GPR158: variants seen among roughly 807,000 people sequenced by gnomAD.
The protein encoded by GPR158 is G protein-coupled receptor 158.
Under a neutral mutation model 78.2 loss-of-function variants are expected in GPR158, and 30 were observed. That is an observed-to-expected ratio of 0.38 (90% confidence interval 0.29 to 0.52). GPR158 has a LOEUF of 0.52. GPR158 is among the 20% of genes least tolerant of loss of function. The pLI is 0.83. For missense variants in GPR158, 1,463 were observed against 1,523.5 expected (o/e 0.96, Z 0.66); for synonymous variants, 581 against 591.1 (o/e 0.98, Z 0.25).
At chr10:25,432,853 C>T (rs1834931184) in intron 4 of GPR158, among the ~76,000 whole-genome samples, 1 of 152,086 alleles carries the variant, frequency 6.6e-6, no homozygotes, top group Non-Finnish European at 1.5e-5. Context: ...TGATAATGAA[C>T]AGGACAAACA....
chr10:25,371,168 A>C (rs1477284775), intron 2 of GPR158, among the ~76,000 whole-genome samples: 3 of 148,478 alleles, frequency 2.0e-5, no homozygotes, highest in Non-Finnish European at 4.5e-5. Context: ...GTCCATTTAC[A>C]TTTAAAGTTA....
intron 5 of GPR158, among the ~76,000 whole-genome samples, chr10:25,533,043 C>G (rs1836447422): frequency 6.6e-6 from 1 of 152,204 alleles, no homozygotes; most frequent in Admixed American, 6.5e-5. Flanking sequence ...GTGAACCTGT[C>G]CCCTACTAGT....
chr10:25,312,761 T>A (rs1854783884), intron 2 of GPR158, among the ~76,000 whole-genome samples: 1 of 152,174 alleles, frequency 6.6e-6, no homozygotes, highest in South Asian at 2.1e-4. Flanking sequence ...TATTCATAAT[T>A]TTTACTTTTT....
chr10:25,355,136 A>G (rs1855530927), intron 2 of GPR158, among the ~76,000 whole-genome samples: 1 of 151,978 alleles, frequency 6.6e-6, no homozygotes, highest in Admixed American at 6.6e-5. Flanking sequence ...TTTTTAAATA[A>G]GCTTTCTACT....
chr10:25,371,134 T>C (rs1833984452), intron 2 of GPR158, among the ~76,000 whole-genome samples: 1 of 148,784 alleles, frequency 6.7e-6, no homozygotes, highest in Non-Finnish European at 1.5e-5. Flanking sequence ...TTTGCCAGTC[T>C]GTGTCTTTTA....
chr10:25,272,058 C>G (rs1854124728), intron 2 of GPR158, among the ~76,000 whole-genome samples: 1 of 152,108 alleles, frequency 6.6e-6, no homozygotes, highest in Admixed American at 6.5e-5. Context: ...TCCTTGCCAT[C>G]AGAGGACTCA....
At chr10:25,483,425 C>T (rs1025119095) in intron 5 of GPR158, among the ~76,000 whole-genome samples, 2 of 152,070 alleles carry the variant, frequency 1.3e-5, no homozygotes, top group Admixed American at 1.3e-4. Context: ...GAAGCTCACC[C>T]CGACTACCCG....
Position 25,336,354 on chromosome 10 carries a change from C to G in GPR158, c.1009-59557C>G, listed in dbSNP as rs540751709. Among the ~76,000 whole-genome samples the G allele has an allele frequency of 5.3e-5, 8 of 152,128 alleles. No individual in the cohort carries two copies. The South Asian group carries it at 1.0e-3, about 20-fold the overall frequency. Reference sequence around the variant, plus strand: ...ATAATACCAAAGAATCATTTACATTCTTCTCCCTTTATTGTGATTCAGTTG... The same window carrying G: ...ATAATACCAAAGAATCATTTACATTGTTCTCCCTTTATTGTGATTCAGTTG... On this transcript the variant is annotated intron_variant, in intron 2 of 10. Transcript: ENST00000376351.
At chr10:25,418,313 T>G (rs534068638) in intron 4 of GPR158, among the ~76,000 whole-genome samples, 1 of 152,308 alleles carries the variant, frequency 6.6e-6, no homozygotes, top group Non-Finnish European at 1.5e-5. Flanking sequence ...GAAATATTGG[T>G]TTAACATTTT....
intron 4 of GPR158, chr10:25,466,046 G>A (rs1416184304): frequency 6.6e-6 from 1 of 152,204 alleles, no homozygotes; most frequent in African/African-American, 2.4e-5. Context: ...CAACTCACAG[G>A]CGGATAGAAA....
chr10:25,530,262 ATG>A (rs1210003539), intron 5 of GPR158, among the ~76,000 whole-genome samples: 1 of 152,222 alleles, frequency 6.6e-6, no homozygotes, highest in African/African-American at 2.4e-5. Flanking sequence ...CTTTCCCAAT[ATG>A]TGGGCATATT....
At chr10:25,546,026 G>A (rs1204505852) in intron 5 of GPR158, among the ~76,000 whole-genome samples, 1 of 152,138 alleles carries the variant, frequency 6.6e-6, no homozygotes, top group Admixed American at 6.6e-5. Flanking sequence ...AAATAAGATG[G>A]AAACCTAACT....
At chr10:25,515,199 T>A (rs940525856) in intron 5 of GPR158, among the ~76,000 whole-genome samples, 7 of 151,956 alleles carry the variant, frequency 4.6e-5, no homozygotes, top group African/African-American at 1.2e-4. Context: ...GTTCATTTTT[T>A]AAAAAATTTT....
chr10:25,375,358 G>T (rs553830629), intron 2 of GPR158, among the ~76,000 whole-genome samples: 1 of 151,674 alleles, frequency 6.6e-6, no homozygotes, highest in East Asian at 1.9e-4. Context: ...AAGAACAAAA[G>T]ATTTTAATTT....
chr10:25,422,928 C>G (rs1337155200), intron 4 of GPR158, among the ~76,000 whole-genome samples: 1 of 147,126 alleles, frequency 6.8e-6, no homozygotes, highest in Non-Finnish European at 1.5e-5. Flanking sequence ...AGCTCAGCTC[C>G]CAGTTATGAG....
chr10:25,273,346 T>C (rs10128299), intron 2 of GPR158, among the ~76,000 whole-genome samples: 7,143 of 151,564 alleles, frequency 0.047, 589 homozygotes, highest in African/African-American at 0.16. Context: ...AAATGGTCTA[T>C]AGTTGAAAAT....
chr10:25,184,180 T>A (rs1334739787), intron 1 of GPR158, among the ~76,000 whole-genome samples: 1 of 152,180 alleles, frequency 6.6e-6, no homozygotes, highest in Admixed American at 6.5e-5. Flanking sequence ...ACCTTACTGC[T>A]GTATGTAAAT....
At chr10:25,565,136 T>C (rs985263555) in intron 6 of GPR158, among the ~76,000 whole-genome samples, 4 of 152,206 alleles carry the variant, frequency 2.6e-5, no homozygotes, top group Non-Finnish European at 5.9e-5. Context: ...GTATCAACCA[T>C]AAAACTTTTT....
intron 5 of GPR158, 78 bp downstream of exon 5, chr10:25,466,797 C>CAG: frequency 1.5e-6 from 1 of 667,896 alleles, no homozygotes; most frequent in Admixed American, 2.8e-5. Flanking sequence ...TACACACACA[C>CAG]ACACACACAT....
Sources: gnomAD v4.1 joint callset for allele counts (sites outside exome capture counted in the v4.1 genomes callset) on GRCh38, gnomAD v4.1.1 for gene constraint, MANE v1.5 for transcripts, NCBI Gene and HGNC (gene_info 2026-07-23, HGNC 2026-07-21) for gene names.